Variants in MEGF11 observed in about 807,000 individuals in gnomAD.
MEGF11 encodes multiple EGF like domains 11.
A neutral mutation model predicts 146.6 loss-of-function variants in MEGF11; 126 were observed. That is an observed-to-expected ratio of 0.86 (90% CI 0.74 to 1.00). The LOEUF (loss-of-function observed/expected upper bound fraction) is 1.00. Among genes scored for constraint, MEGF11 ranks in the 50% least tolerant of loss-of-function variants. MEGF11 has a pLI of 0.00. For synonymous variants in MEGF11, 532 were observed against 583.4 expected (o/e 0.91, Z 1.27); for missense variants, 1,509 against 1,521.2 (o/e 0.99, Z 0.13).
intron 1 of MEGF11, among the ~76,000 whole-genome samples, chr15:66,133,757 G>T (rs2088764742): frequency 6.6e-6 from 1 of 151,940 alleles, no homozygotes; most frequent in African/African-American, 2.4e-5. Context: ...GGTTTATGTT[G>T]AATGCTTTCT....
At chr15:66,175,730 A>G (rs2090373597) in intron 1 of MEGF11, among the ~76,000 whole-genome samples, 7 of 152,218 alleles carry the variant, frequency 4.6e-5, no homozygotes, top group Admixed American at 4.6e-4. Context: ...AGAAGAAAAC[A>G]TAGGGGAAAT....
At chr15:66,035,373 G>C (rs913826591) in intron 5 of MEGF11, among the ~76,000 whole-genome samples, 12 of 152,108 alleles carry the variant, frequency 7.9e-5, no homozygotes, top group African/African-American at 2.9e-4. Context: ...GCACAATGTG[G>C]CCTCACCTTG....
intron 4 of MEGF11, among the ~76,000 whole-genome samples, chr15:66,118,660 C>T (rs143074343): frequency 2.6e-5 from 4 of 152,288 alleles, no homozygotes; most frequent in African/African-American, 7.2e-5. Context: ...CTCCCTTTCC[C>T]ATTTCCACCC....
intron 1 of MEGF11, among the ~76,000 whole-genome samples, chr15:66,180,081 T>C (rs7174284): frequency 0.021 from 3,269 of 152,296 alleles, 128 homozygotes; most frequent in African/African-American, 0.076. Context: ...TCTGACTCTG[T>C]AAAGTTCTCC....
intron 5 of MEGF11, among the ~76,000 whole-genome samples, chr15:66,032,123 T>C (rs2083544442): frequency 6.6e-6 from 1 of 152,208 alleles, no homozygotes; most frequent in Non-Finnish European, 1.5e-5. Flanking sequence ...ATCCCCTTCA[T>C]GGAAAAATTG....
chr15:65,919,121 T>A (rs2079094353), intron 15 of MEGF11, among the ~76,000 whole-genome samples: 1 of 152,224 alleles, frequency 6.6e-6, no homozygotes, highest in Non-Finnish European at 1.5e-5. Context: ...ATATTGGTAG[T>A]TCTTCCCCAG....
intron 15 of MEGF11, 26 bp from the exon 16 acceptor site, chr15:65,918,120 C>T: frequency 6.2e-7 from 1 of 1,612,502 alleles, no homozygotes; most frequent in Non-Finnish European, 8.5e-7. Context: ...AGCCTGGCAC[C>T]CATCCTCCCA....
At chr15:66,222,296 G>A (rs557091701) in intron 1 of MEGF11, among the ~76,000 whole-genome samples, 245 of 152,144 alleles carry the variant, frequency 1.6e-3, no homozygotes, top group African/African-American at 5.7e-3. Flanking sequence ...TCCTGCTCCT[G>A]ATTTCCCAGC....
At chr15:66,021,174 C>T (rs2083115281) in intron 5 of MEGF11, among the ~76,000 whole-genome samples, 3 of 152,172 alleles carry the variant, frequency 2.0e-5, no homozygotes, top group Admixed American at 1.3e-4. Context: ...TTGGGGAGCC[C>T]ACCCCTACCT....
intron 5 of MEGF11, among the ~76,000 whole-genome samples, chr15:66,049,588 G>A (rs997940141): frequency 1.3e-5 from 2 of 152,156 alleles, no homozygotes; most frequent in Non-Finnish European, 2.9e-5. Context: ...ACAGGGTATA[G>A]GTCGAGCTGC....
intron 4 of MEGF11, among the ~76,000 whole-genome samples, chr15:66,097,533 G>T (rs1254948254): frequency 6.6e-6 from 1 of 152,154 alleles, no homozygotes; most frequent in Non-Finnish European, 1.5e-5. Context: ...AGAGTGTTTT[G>T]TCAAGTCCCT....
chr15:66,071,266 G>A (rs2085353745), intron 5 of MEGF11, among the ~76,000 whole-genome samples: 1 of 152,174 alleles, frequency 6.6e-6, no homozygotes, highest in Non-Finnish European at 1.5e-5. Context: ...TTGAGGGGAA[G>A]AGCTGACATT....
At chr15:65,898,425 G>A in intron 25 of MEGF11, 1 of 985,430 alleles carries the variant, frequency 1.0e-6, no homozygotes, top group Non-Finnish European at 1.2e-6. Flanking sequence ...TTTAAAATGA[G>A]ATTTGTATCA....
chr15:66,033,474 C>T (rs2083609323), intron 5 of MEGF11, among the ~76,000 whole-genome samples: 1 of 152,250 alleles, frequency 6.6e-6, no homozygotes, highest in Non-Finnish European at 1.5e-5. Flanking sequence ...GCAGCTTTGG[C>T]CATCACTCTG....
chr15:65,977,908 T>C (rs1007755771), intron 7 of MEGF11, among the ~76,000 whole-genome samples: 2 of 152,224 alleles, frequency 1.3e-5, no homozygotes, highest in African/African-American at 4.8e-5. Flanking sequence ...CTACTCAGAC[T>C]TGGTTTCTCT....
At chr15:65,935,962 C>T (rs2079769771) in intron 10 of MEGF11, among the ~76,000 whole-genome samples, 1 of 152,194 alleles carries the variant, frequency 6.6e-6, no homozygotes. Flanking sequence ...TCAGATTAGA[C>T]TATCAGCTCT....
intron 5 of MEGF11, among the ~76,000 whole-genome samples, chr15:66,002,996 C>CTTT (rs1298031565): frequency 8.4e-6 from 1 of 118,890 alleles, no homozygotes; most frequent in Non-Finnish European, 1.9e-5. Context: ...TTTCTTTTTT[C>CTTT]TTTTTTTTTT....
chr15:65,980,724 G>T lies in MEGF11; in HGVS notation c.762+54C>A. 2.0e-6 allele frequency: 3 copies of T among 1,523,286 alleles called. No homozygotes were observed. The South Asian group carries it at 3.9e-5, about 20-fold the overall frequency. The allele number at this position is 1,523,286 out of a possible 1,614,324, so 94.4% of individuals were successfully genotyped here. ...GTTTAGCCTTTTAAGGTATGTGTGA[G>T]TGATGAAGGCTCAGCCCTCCAGTGC... On this transcript the variant is annotated intron_variant, in intron 7 of 25. Transcript: ENST00000395614.
At chr15:66,156,364 T>C (rs890726878) in intron 1 of MEGF11, among the ~76,000 whole-genome samples, 7 of 152,076 alleles carry the variant, frequency 4.6e-5, no homozygotes, top group African/African-American at 1.7e-4. Context: ...CTCACCAGCA[T>C]GGCCTCCACA....
Sources: gnomAD v4.1 joint callset for allele counts (sites outside exome capture counted in the v4.1 genomes callset) on GRCh38, gnomAD v4.1.1 for gene constraint, MANE v1.5 for transcripts, NCBI Gene and HGNC (gene_info 2026-07-23, HGNC 2026-07-21) for gene names.